VPS33B: variants seen among roughly 807,000 people sequenced by gnomAD.
The protein encoded by VPS33B is vacuolar protein sorting-associated protein 33B.
In VPS33B, 80 loss-of-function variants were observed where a neutral mutation model predicts 95.3. The ratio of observed to expected loss-of-function variants is 0.84; its 90% CI spans 0.70 to 1.01. VPS33B has a LOEUF of 1.01. VPS33B is among the 50% of genes least tolerant of loss of function. The pLI, the probability that VPS33B is intolerant of heterozygous loss-of-function variation, is 0.00. For synonymous variants in VPS33B, 280 were observed against 280.4 expected (o/e 1.00, Z 0.01); for missense variants, 715 against 773.4 (o/e 0.92, Z 0.90).
At position 91,005,217 on chromosome 15, in the gene VPS33B, TG is replaced by T; in HGVS notation, c.1106-99del. On this transcript the variant is annotated intron_variant, in intron 14 of 22. Coordinates refer to ENST00000333371, the MANE Select transcript of VPS33B (RefSeq NM_018668.5). This position sits in a 1 kb window ranked among gnomAD's most constrained non-coding sequence, Gnocchi z 6.4. ...GTCTCCCCATCTCTTTCTCCATCCT[TG>T]GGGTGGGTTAAGGGACCCCCAGGAC... 1 of 1,612,040 alleles carries T rather than the reference TG, an allele frequency of 6.2e-7. No homozygotes were observed. Among genetic ancestry groups the T allele is most frequent in the Non-Finnish European group, 8.5e-7 (1 of 1,179,532 alleles).
intron 1 of VPS33B, among the ~76,000 whole-genome samples, chr15:91,021,740 C>T (rs528440033): frequency 4.7e-4 from 71 of 152,302 alleles, no homozygotes; most frequent in African/African-American, 1.6e-3. Flanking sequence ...CTTGAAGCTC[C>T]TAGATCATCA....
intron 1 of VPS33B, among the ~76,000 whole-genome samples, chr15:91,021,515 G>A (rs1182586839): frequency 6.6e-6 from 1 of 151,882 alleles, no homozygotes; most frequent in African/African-American, 2.4e-5. Flanking sequence ...GCCCATTTAC[G>A]CCACCACACA....
At chr15:91,001,323 A>G (rs943039410) in intron 19 of VPS33B, 66 bp downstream of exon 19, 9 of 1,331,184 alleles carry the variant, frequency 6.8e-6, no homozygotes, top group African/African-American at 2.9e-5. Context: ...AAAAAAAAAA[A>G]AAAAGAAAAG....
intron 16 of VPS33B, among the ~76,000 whole-genome samples, chr15:91,003,585 A>C (rs908589654): frequency 6.6e-6 from 1 of 152,072 alleles, no homozygotes; most frequent in Non-Finnish European, 1.5e-5. Flanking sequence ...GATTACAGGC[A>C]TGCGCCACCA....
chr15:91,019,473 A>T (rs539969671), intron 1 of VPS33B, among the ~76,000 whole-genome samples: 65 of 152,256 alleles, frequency 4.3e-4, no homozygotes, highest in African/African-American at 1.5e-3. Flanking sequence ...TGGTCAACAG[A>T]GGGTAGGAAA....
chr15:91,007,343 T>C lies in VPS33B; in HGVS notation c.603+126A>G. ...ACAAGTTCTCCTCTCTGAGGATCTA[T>C]TCCAGAACAATGAAAGCAAAGTAAA... On this transcript the variant is annotated intron_variant, in intron 8 of 22. Transcript: ENST00000333371. This position sits in a 1 kb window ranked among gnomAD's most constrained non-coding sequence, Gnocchi z 5.3. 1 of 1,001,828 alleles carries C rather than the reference T, an allele frequency of 1.0e-6. No individual in the cohort carries two copies. The highest frequency in any genetic ancestry group is 2.4e-5 in the East Asian group (1 of 41,464). 62.1% of individuals were successfully genotyped at this position (1,001,828 alleles called of 1,614,324 possible).
chr15:91,012,174 C>T (rs1220495839), intron 5 of VPS33B, among the ~76,000 whole-genome samples: 2 of 152,052 alleles, frequency 1.3e-5, no homozygotes, highest in African/African-American at 4.8e-5. Context: ...TTGTCCTACT[C>T]AATAATTTCT....
chr15:91,005,569 T>G lies in VPS33B; in HGVS notation c.1031-115A>C. The G allele has an allele frequency of 6.3e-7, 1 of 1,580,834 alleles. No individual in the cohort carries two copies. The highest frequency in any genetic ancestry group is 1.1e-5 in the South Asian group (1 of 90,378). Reference sequence around the variant, plus strand: ...AAATCCGAAAGCACTTCTTCCCACTTTACACCAAGTAAGACCATATGCATC... The same window carrying G: ...AAATCCGAAAGCACTTCTTCCCACTGTACACCAAGTAAGACCATATGCATC... On this transcript the variant is annotated intron_variant, in intron 13 of 22. Coordinates refer to ENST00000333371, the MANE Select transcript of VPS33B (RefSeq NM_018668.5). The surrounding 1 kb of genome is among the most constrained non-coding windows in gnomAD (Gnocchi z 6.4).
In VPS33B at chr15:90,998,739, T is replaced by C; in HGVS notation, c.*236A>G. The C allele has an allele frequency of 1.7e-6, 1 of 596,832 alleles. No individual in the cohort carries two copies. The highest frequency in any genetic ancestry group is 3.0e-6 in the Non-Finnish European group (1 of 332,196). The allele number at this position is 596,832 out of a possible 1,614,324, so 37.0% of individuals were successfully genotyped here. On this transcript the variant is annotated 3_prime_UTR_variant, in exon 23 of 23. Transcript: ENST00000333371. The surrounding 1 kb of genome is among the most constrained non-coding windows in gnomAD (Gnocchi z 4.8). ...ACAGGATTTAGCAAAGGATGCCTCT[T>C]CCTGCTCGCATCTTAGCAGCATGGG...
At chr15:91,022,009 CT>C (rs1185085751) in intron 1 of VPS33B, 144 bp downstream of exon 1, 19 of 927,284 alleles carry the variant, frequency 2.0e-5, no homozygotes, top group Non-Finnish European at 6.7e-6. Flanking sequence ...TTACTACTCC[CT>C]GGATTCATTC....
In VPS33B at chr15:90,999,908, G is replaced by A. The variant is rs200192868; in HGVS notation, c.1649C>T (p.Ala550Val). Residue 550 changes from alanine (A) to valine (V), a missense_variant, in exon 21 of 23, where the codon GCA (alanine) becomes GTA (valine). Physicochemically the swap from Ala to Val is moderately conservative, Grantham distance 64 (BLOSUM62 0). Coordinates refer to ENST00000333371, the MANE Select transcript of VPS33B (RefSeq NM_018668.5). This position sits in a 1 kb window ranked among gnomAD's most constrained non-coding sequence, Gnocchi z 5.1. ...CTGTTAATGCCACATACCTGTGAAT[G>A]CAAAGTCACTGCAGTTGAGCAGCCG... ...VVRLLNCSDF[A>V]FTDMTKEDKA... 10 of 1,614,072 alleles carry A rather than the reference G, an allele frequency of 6.2e-6. No individual in the cohort carries two copies. In the East Asian group the frequency reaches 2.2e-4, roughly 36 times the overall value.
Position 91,000,680 on chromosome 15 carries a change from C to A in VPS33B, c.1480-89G>T. 8.8e-7 allele frequency: 1 copy of A among 1,135,140 alleles called. No individual in the cohort carries two copies. Among genetic ancestry groups the A allele is most frequent in the South Asian group, 1.3e-5 (1 of 77,870 alleles). The allele number at this position is 1,135,140 out of a possible 1,614,324, so 70.3% of individuals were successfully genotyped here. Reference sequence around the variant, plus strand: ...AGATAAAGTGGCATGGCCCAAGGAACAATTCTTATTTCAACTAAAGGGAGA... The same window carrying A: ...AGATAAAGTGGCATGGCCCAAGGAAAAATTCTTATTTCAACTAAAGGGAGA... On this transcript the variant is annotated intron_variant, in intron 19 of 22. Coordinates refer to ENST00000333371, the MANE Select transcript of VPS33B (RefSeq NM_018668.5). The surrounding 1 kb of genome is among the most constrained non-coding windows in gnomAD (Gnocchi z 4.9).
chr15:91,001,478 G>A lies in VPS33B; in HGVS notation c.1406-16C>T. 1 of 1,612,264 alleles carries A rather than the reference G, an allele frequency of 6.2e-7. No homozygotes were observed. Among genetic ancestry groups the A allele is most frequent in the Non-Finnish European group, 8.5e-7 (1 of 1,178,386 alleles). ...GTAATCTTTCCTGGGGAAGAAATCTGTGTCAGGTTTCACCTAAGGTCTATG... is the reference window on the plus strand; with the variant it reads ...GTAATCTTTCCTGGGGAAGAAATCTATGTCAGGTTTCACCTAAGGTCTATG... On this transcript the variant is annotated splice_polypyrimidine_tract_variant and intron_variant, in intron 18 of 22. Transcript: ENST00000333371.
Position 90,999,585 on chromosome 15 carries a change from C to T in VPS33B, c.1774+92G>A, listed in dbSNP as rs2040373313. Reference sequence around the variant, plus strand: ...CTGCCCGCCTCCGCCTCCCAAAGTGCTGAGATTACAGGTATGAACCACCGT... The same window carrying T: ...CTGCCCGCCTCCGCCTCCCAAAGTGTTGAGATTACAGGTATGAACCACCGT... On this transcript the variant is annotated intron_variant, in intron 22 of 22. Transcript: ENST00000333371. The surrounding 1 kb of genome is among the most constrained non-coding windows in gnomAD (Gnocchi z 5.1). 2 of 1,366,426 alleles carry T rather than the reference C, an allele frequency of 1.5e-6. No homozygotes were observed. The highest frequency in any genetic ancestry group is 3.4e-5 in the Admixed American group (2 of 59,534). The allele number at this position is 1,366,426 out of a possible 1,614,324, so 84.6% of individuals were successfully genotyped here.
rs1268566167 is a variant in VPS33B at position 91,013,790 on chromosome 15, G to A, written c.357+14C>T. 6.2e-7 allele frequency: 1 copy of A among 1,613,948 alleles called. No individual in the cohort carries two copies. The highest frequency in any genetic ancestry group is 1.3e-5 in the African/African-American group (1 of 74,906). Reference sequence around the variant, plus strand: ...GTTCTACCTTATCCCACTTCCTCCAGGATCCAAACTCACCTTTTGAGGGCT... The same window carrying A: ...GTTCTACCTTATCCCACTTCCTCCAAGATCCAAACTCACCTTTTGAGGGCT... On this transcript the variant is annotated intron_variant, in intron 5 of 22. Coordinates refer to ENST00000333371, the MANE Select transcript of VPS33B (RefSeq NM_018668.5). This position sits in a 1 kb window ranked among gnomAD's most constrained non-coding sequence, Gnocchi z 4.5.
In VPS33B at chr15:91,000,561, T is replaced by TC. The variant is rs1209349503; in HGVS notation, c.1509dup (p.Lys504GlufsTer23). On this transcript the variant is annotated frameshift_variant, in exon 20 of 23. Transcript: ENST00000333371. LOFTEE classifies it high-confidence loss of function. This position sits in a 1 kb window ranked among gnomAD's most constrained non-coding sequence, Gnocchi z 4.9. Reference sequence around the variant, plus strand: ...ACGTAAGCCATGTCTCGGGGCACTTTCAGATCATACTCGCCGTCCACACGT... The same window carrying TC: ...ACGTAAGCCATGTCTCGGGGCACTTTCCAGATCATACTCGCCGTCCACACGT... 1.9e-6 allele frequency: 3 copies of TC among 1,613,146 alleles called. No individual in the cohort carries two copies. In the East Asian group the frequency reaches 6.7e-5, roughly 36 times the overall value.
intron 16 of VPS33B, among the ~76,000 whole-genome samples, 185 bp downstream of exon 16, chr15:91,004,692 G>A (rs528816273): frequency 5.9e-5 from 9 of 152,086 alleles, no homozygotes; most frequent in African/African-American, 2.2e-4. Context: ...TCCCGCTGAG[G>A]GCTAAAGCAA....
In VPS33B at chr15:91,007,131, AT is replaced by A; in HGVS notation, c.604-86del. 1 of 1,422,766 alleles carries A rather than the reference AT, an allele frequency of 7.0e-7. No homozygotes were observed. Among genetic ancestry groups the A allele is most frequent in the Non-Finnish European group, 9.8e-7 (1 of 1,019,652 alleles). 88.1% of individuals were successfully genotyped at this position (1,422,766 alleles called of 1,614,324 possible). A position where few individuals can be genotyped will look rare whatever the true frequency, so the allele number is the denominator to read the frequency against. ...TACAGAAGTCAGCCCTTTCCACGTG[AT>A]ACTTCCTCTTGTCCCCGAGACAGGA... On this transcript the variant is annotated intron_variant, in intron 8 of 22. Coordinates refer to ENST00000333371, the MANE Select transcript of VPS33B (RefSeq NM_018668.5). This position sits in a 1 kb window ranked among gnomAD's most constrained non-coding sequence, Gnocchi z 5.3.
In VPS33B at chr15:91,007,033, A is replaced by G; in HGVS notation, c.617T>C (p.Leu206Ser). ...IGRCAKMAYE[L>S]WRNLEEEEDG... ...CTCCTCCTCCTCCAGGTTCCTCCAC[A>G]ATTCATATGCCATCTGCCAGGGCCC... The change falls in exon 9 of 23, where the codon TTG becomes TCG. Residue 206 changes from leucine to serine, a missense_variant. Leu to Ser is a moderately radical substitution (Grantham distance 145, BLOSUM62 -2). Coordinates refer to ENST00000333371, the MANE Select transcript of VPS33B (RefSeq NM_018668.5). This position sits in a 1 kb window ranked among gnomAD's most constrained non-coding sequence, Gnocchi z 5.3. 1 of 1,612,198 alleles carries G rather than the reference A, an allele frequency of 6.2e-7. No homozygotes were observed. Among genetic ancestry groups the G allele is most frequent in the Non-Finnish European group, 8.5e-7 (1 of 1,180,004 alleles).
Sources: gnomAD v4.1 joint callset for allele counts (sites outside exome capture counted in the v4.1 genomes callset) on GRCh38, gnomAD v4.1.1 for gene constraint, Gnocchi (gnomAD v3.1) non-coding constraint, MANE v1.5 for transcripts, NCBI Gene and HGNC (gene_info 2026-07-23, HGNC 2026-07-21) for gene names.